The following MRTFA variants were observed in gnomAD, a reference collection of about 807,000 sequenced individuals.
MRTFA encodes myocardin-related transcription factor A.
In MRTFA, 20 loss-of-function variants were observed where a neutral mutation model predicts 83.5. The ratio of observed to expected loss-of-function variants is 0.24; its 90% CI spans 0.17 to 0.35. MRTFA has a LOEUF of 0.35. MRTFA is among the 10% of genes least tolerant of loss of function. The pLI is 1.00. For synonymous variants in MRTFA, 659 were observed against 541.2 expected, an observed-to-expected ratio of 1.22 and a Z score of -3.02; for missense variants, 1,200 against 1,224.7, an observed-to-expected ratio of 0.98 and a Z score of 0.30.
At chr22:40,534,489 C>A (rs2055133461) in intron 3 of MRTFA, among the ~76,000 whole-genome samples, 1 of 152,170 alleles carries the variant, frequency 6.6e-6, no homozygotes, top group Admixed American at 6.5e-5. Context: ...GGGTCTCACT[C>A]CGTTGCCCAG....
rs71199292 is a variant in MRTFA at position 40,571,026 on chromosome 22, C to CAAAA, written c.-21-18663_-21-18660dup. 5.9e-3 allele frequency among the ~76,000 whole-genome samples: 276 copies of CAAAA among 46,610 alleles called. 20 individuals carry two copies. Among genetic ancestry groups the CAAAA allele is most frequent in the Middle Eastern group, 0.025 (1 of 40 alleles). 30.6% of individuals were successfully genotyped at this position (46,610 alleles called of 152,430 possible). A position where few individuals can be genotyped will look rare whatever the true frequency, so the allele number is the denominator to read the frequency against. ...GCAACATAGTGAATCCCTGTCTCTA[C>CAAAA]AAAAAAAAAAAAAAAAAAAAAAAAA... On this transcript the variant is annotated intron_variant, in intron 2 of 14. Coordinates refer to ENST00000355630, the MANE Select transcript of MRTFA (RefSeq NM_020831.6).
At chr22:40,484,922 T>C (rs1463833339) in intron 3 of MRTFA, among the ~76,000 whole-genome samples, 2 of 151,462 alleles carry the variant, frequency 1.3e-5, no homozygotes, top group Non-Finnish European at 2.9e-5. Context: ...AATACAAAGA[T>C]TAGCTGGGCA....
intron 1 of MRTFA, among the ~76,000 whole-genome samples, chr22:40,623,434 T>C (rs936936446): frequency 6.6e-6 from 1 of 152,126 alleles, no homozygotes; most frequent in African/African-American, 2.4e-5. Context: ...ACTCGTCATC[T>C]AGCATTAGGT....
intron 3 of MRTFA, among the ~76,000 whole-genome samples, chr22:40,490,456 G>A (rs1408332845): frequency 6.6e-6 from 1 of 151,990 alleles, no homozygotes; most frequent in Non-Finnish European, 1.5e-5. Flanking sequence ...AAAACTACCT[G>A]GGCATGGTGG....
intron 4 of MRTFA, among the ~76,000 whole-genome samples, chr22:40,447,315 T>C (rs942980769): frequency 3.3e-5 from 5 of 150,598 alleles, no homozygotes; most frequent in African/African-American, 7.4e-5. Context: ...ACTGAGCCAC[T>C]GCTCTCCAGC....
intron 5 of MRTFA, among the ~76,000 whole-genome samples, chr22:40,431,773 T>C (rs1423451061): frequency 1.3e-5 from 2 of 150,846 alleles, no homozygotes; most frequent in Non-Finnish European, 3.0e-5. Flanking sequence ...ATAAAAGTAA[T>C]ATATGTCCAG....
intron 1 of MRTFA, among the ~76,000 whole-genome samples, chr22:40,614,758 A>AT (rs1324530510): frequency 1.3e-5 from 2 of 152,212 alleles, no homozygotes; most frequent in African/African-American, 4.8e-5. Context: ...AAGTGCTGGG[A>AT]TTACAGGCAT....
Position 40,472,655 on chromosome 22 carries a change from C to T in MRTFA, c.242-9369G>A, listed in dbSNP as rs541536745. On this transcript the variant is annotated intron_variant, in intron 3 of 14. Transcript: ENST00000355630. ...GAACACTTCTAGGAGGTGTCAACTC[C>T]CATCTCATGAAGTTTAGCATTAAAC... Among the ~76,000 whole-genome samples, 11 of 152,208 alleles carry T rather than the reference C, an allele frequency of 7.2e-5. No homozygotes were observed. In the South Asian group the frequency reaches 2.1e-3, roughly 29 times the overall value.
At chr22:40,436,662 T>C (rs928817849) in intron 4 of MRTFA, among the ~76,000 whole-genome samples, 4 of 152,118 alleles carry the variant, frequency 2.6e-5, no homozygotes, top group Non-Finnish European at 4.4e-5. Context: ...TAAGGACAAA[T>C]AGCAACTTAA....
chr22:40,435,740 G>A (rs1370239105), intron 4 of MRTFA, among the ~76,000 whole-genome samples, 186 bp from the exon 5 acceptor site: 4 of 152,106 alleles, frequency 2.6e-5, no homozygotes, highest in African/African-American at 7.2e-5. Context: ...AGACCATCCT[G>A]GCTAACATGG....
At chr22:40,538,352 A>G (rs1390010735) in intron 3 of MRTFA, among the ~76,000 whole-genome samples, 2 of 146,298 alleles carry the variant, frequency 1.4e-5, no homozygotes, top group African/African-American at 5.1e-5. Context: ...GCTTTGTTAA[A>G]CAGATGCTTG....
rs186548971 is a variant in MRTFA at position 40,418,541 on chromosome 22, C to T, written c.2197G>A (p.Glu733Lys). 475 of 1,583,348 alleles carry T rather than the reference C, an allele frequency of 3.0e-4. 1 individual carries two copies. The East Asian group carries it at 7.1e-3, about 24-fold the overall frequency. The change falls in exon 12 of 15, where the codon GAG (glutamate) becomes AAG (lysine). Residue 733 changes from glutamate to lysine, a missense_variant. Physicochemically the swap from Glu to Lys is moderately conservative, Grantham distance 56. Transcript: ENST00000355630. Reference sequence around the variant, plus strand: ...AGCAACTGGGGGGCGGGGACCGGCTCGGGCTCAGGCTGCAAGGCTTCCTGC... The same window carrying T: ...AGCAACTGGGGGGCGGGGACCGGCTTGGGCTCAGGCTGCAAGGCTTCCTGC...
At chr22:40,554,077 T>C (rs954156774) in intron 2 of MRTFA, among the ~76,000 whole-genome samples, 1 of 152,148 alleles carries the variant, frequency 6.6e-6, no homozygotes, top group African/African-American at 2.4e-5. Context: ...TTGGAATGGG[T>C]GTATTTACCC....
rs568833172 is a variant in MRTFA, at chr22:40,420,421, T to A, written c.1337A>T (p.Asn446Ile). 6.2e-7 allele frequency: 1 copy of A among 1,613,546 alleles called. No homozygotes were observed. Among genetic ancestry groups the A allele is most frequent in the African/African-American group, 1.3e-5 (1 of 75,064 alleles). The change falls in exon 11 of 15, where the codon AAC becomes ATC. Residue 446 changes from asparagine to isoleucine, a missense_variant. Coordinates refer to ENST00000355630, the MANE Select transcript of MRTFA (RefSeq NM_020831.6). ...GCCATGTACCTTCATGTCGTCCAGG[T>A]TGGCCGGCAGGGCTCCCGGCTTGCC...
At chr22:40,510,339 G>A (rs1014147569) in intron 3 of MRTFA, among the ~76,000 whole-genome samples, 9 of 151,964 alleles carry the variant, frequency 5.9e-5, no homozygotes, top group East Asian at 1.9e-4. Flanking sequence ...GCAACTTCTC[G>A]GTGAAGGAAT....
chr22:40,614,557 G>A (rs1022625270), intron 1 of MRTFA, among the ~76,000 whole-genome samples: 3 of 151,970 alleles, frequency 2.0e-5, no homozygotes, highest in African/African-American at 4.8e-5. Flanking sequence ...GCGCGATCTC[G>A]GCTCACTGCA....
chr22:40,470,278 T>A (rs1439542767), intron 3 of MRTFA, among the ~76,000 whole-genome samples: 4 of 104,196 alleles, frequency 3.8e-5, no homozygotes, highest in South Asian at 2.9e-4. Context: ...TATATATATA[T>A]ATAAAGAAAC....
intron 2 of MRTFA, chr22:40,586,884 A>AGTGCTGCTG (rs71328719): frequency 3.7e-4 from 154 of 418,988 alleles, no homozygotes; most frequent in African/African-American, 2.8e-3. Flanking sequence ...TTTGGCCTCT[A>AGTGCTGCTG]GTGCTGCTGG....
chr22:40,545,950 C>T (rs1348166521), intron 3 of MRTFA, among the ~76,000 whole-genome samples: 1 of 152,094 alleles, frequency 6.6e-6, no homozygotes, highest in African/African-American at 2.4e-5. Context: ...TGGTCTTGAG[C>T]TCCTGACCTC....
Sources: gnomAD v4.1 joint callset for allele counts (sites outside exome capture counted in the v4.1 genomes callset) on GRCh38, gnomAD v4.1.1 for gene constraint, MANE v1.5 for transcripts, NCBI Gene and HGNC (gene_info 2026-07-23, HGNC 2026-07-21) for gene names.